SLMAP: variants seen among roughly 807,000 people sequenced by gnomAD.
SLMAP encodes sarcolemma associated protein, also known as sarcolemmal membrane-associated protein.
Under a neutral mutation model 128.8 loss-of-function variants are expected in SLMAP, and 44 were observed. The observed-to-expected ratio is 0.34, with a 90% CI of 0.27 to 0.44. The LOEUF is 0.44. Ranked by LOEUF, SLMAP falls within the 20% of genes least tolerant of loss-of-function variation. The pLI is 1.00. For missense variants in SLMAP, 787 were observed against 985.3 expected (o/e 0.80, Z 2.69); for synonymous variants, 327 against 348.8 (o/e 0.94, Z 0.70).
chr3:57,766,100 G>A (rs1472592303), intron 2 of SLMAP, among the ~76,000 whole-genome samples: 7 of 145,934 alleles, frequency 4.8e-5, no homozygotes, highest in African/African-American at 1.8e-4. Context: ...CCGGGTTCAC[G>A]CCATTCTCCT....
chr3:57,907,885 T>C lies in SLMAP; in HGVS notation c.1503T>C (p.Asp501=). Residue 501 remains aspartate (D), a splice_region_variant and synonymous_variant, in exon 18 of 25, where the codon GAT becomes GAC. Coordinates refer to ENST00000671191, the MANE Select transcript of SLMAP (RefSeq NM_001377540.1). ...EPLAKVSLLK[D]DLQGAQSEIE... ...TTAAAATAAACATGTTTTTGTCAGA[T>C]GACTTGCAGGGTGCACAGTCAGAAA... 1 of 1,612,868 alleles carries C rather than the reference T, an allele frequency of 6.2e-7. No individual in the cohort carries two copies. Among genetic ancestry groups the C allele is most frequent in the Non-Finnish European group, 8.5e-7 (1 of 1,179,488 alleles).
Position 57,815,023 on chromosome 3 carries a change from A to G in SLMAP, c.199-16360A>G, listed in dbSNP as rs563345758. Reference sequence around the variant, plus strand: ...AAAATTTGGGATTCCCTAATCCAGCAGTCTCCAACCTTTTTGGCACCGAGG... The same window carrying G: ...AAAATTTGGGATTCCCTAATCCAGCGGTCTCCAACCTTTTTGGCACCGAGG... On this transcript the variant is annotated intron_variant, in intron 2 of 24. Transcript: ENST00000671191. 3.3e-5 allele frequency among the ~76,000 whole-genome samples: 5 copies of G among 152,250 alleles called. No individual in the cohort carries two copies. The South Asian group carries it at 1.0e-3, about 32-fold the overall frequency.
intron 22 of SLMAP, among the ~76,000 whole-genome samples, chr3:57,921,726 A>T (rs527871503): frequency 2.2e-4 from 33 of 152,092 alleles, no homozygotes; most frequent in Non-Finnish European, 4.1e-4. Context: ...GTTTTTTGAG[A>T]TGGAGTTTTG....
intron 15 of SLMAP, chr3:57,896,276 C>T: frequency 1.6e-6 from 2 of 1,218,284 alleles, no homozygotes; most frequent in Non-Finnish European, 1.0e-6. Flanking sequence ...GAACAAAAGC[C>T]CCAGCCCTCA....
chr3:57,904,766 G>A lies in SLMAP; in HGVS notation c.1502-3118G>A, dbSNP rs531065379. Reference sequence around the variant, plus strand: ...TTTTAGTTGTTGTAAACTGGGGTGTGGGCCAGGGTGGAGGAGGGGTACTGA... The same window carrying A: ...TTTTAGTTGTTGTAAACTGGGGTGTAGGCCAGGGTGGAGGAGGGGTACTGA... On this transcript the variant is annotated intron_variant, in intron 17 of 24. Transcript: ENST00000671191. 1.1e-4 allele frequency among the ~76,000 whole-genome samples: 17 copies of A among 152,238 alleles called. No individual in the cohort carries two copies. The East Asian group carries it at 3.1e-3, about 28-fold the overall frequency.
At chr3:57,823,843 A>C (rs1347012710) in intron 2 of SLMAP, among the ~76,000 whole-genome samples, 1 of 152,196 alleles carries the variant, frequency 6.6e-6, no homozygotes, top group African/African-American at 2.4e-5. Context: ...GCAACAGTGT[A>C]AAAGTGTTCC....
At chr3:57,785,175 A>C (rs2083829959) in intron 2 of SLMAP, among the ~76,000 whole-genome samples, 1 of 152,198 alleles carries the variant, frequency 6.6e-6, no homozygotes, top group African/African-American at 2.4e-5. Context: ...TTTGAGGTAC[A>C]TTTCTTAATC....
intron 2 of SLMAP, among the ~76,000 whole-genome samples, chr3:57,761,735 A>C (rs1308863169): frequency 6.6e-6 from 1 of 151,906 alleles, no homozygotes; most frequent in Admixed American, 6.6e-5. Flanking sequence ...TGCATTGTCC[A>C]TTATGGGAGG....
intron 2 of SLMAP, among the ~76,000 whole-genome samples, chr3:57,792,690 T>C (rs1319379369): frequency 1.3e-5 from 2 of 152,172 alleles, no homozygotes; most frequent in Non-Finnish European, 2.9e-5. Context: ...TATGGACTTA[T>C]TTATATTTTT....
intron 4 of SLMAP, among the ~76,000 whole-genome samples, chr3:57,846,567 T>TC (rs1486786796): frequency 1.3e-5 from 2 of 150,952 alleles, no homozygotes; most frequent in Non-Finnish European, 3.0e-5. Flanking sequence ...TTTTTTTTTT[T>TC]TTTTTTTGAG....
At chr3:57,834,172 A>G (rs1353047104) in intron 3 of SLMAP, among the ~76,000 whole-genome samples, 1 of 152,220 alleles carries the variant, frequency 6.6e-6, no homozygotes, top group East Asian at 1.9e-4. Context: ...AAGAAAGACA[A>G]TTAAGAAATC....
chr3:57,759,231 C>T (rs917967919), intron 2 of SLMAP, among the ~76,000 whole-genome samples: 2 of 151,806 alleles, frequency 1.3e-5, no homozygotes, highest in African/African-American at 2.4e-5. Context: ...TCGCTCCTCG[C>T]AAGCTGAAGT....
rs375027184 is a variant in SLMAP, at chr3:57,815,525, A to G, written c.199-15858A>G. ...TTTATAATAAATATGGTTATTTATG[A>G]TAACCATTTATTATAACCGTATCAT... On this transcript the variant is annotated intron_variant, in intron 2 of 24. Transcript: ENST00000671191. 1.7e-4 allele frequency among the ~76,000 whole-genome samples: 26 copies of G among 152,298 alleles called. No individual in the cohort carries two copies. In the South Asian group the frequency reaches 5.4e-3, roughly 32 times the overall value.
chr3:57,830,781 A>G (rs2093287850), intron 2 of SLMAP, among the ~76,000 whole-genome samples: 1 of 152,234 alleles, frequency 6.6e-6, no homozygotes, highest in Non-Finnish European at 1.5e-5. Context: ...TTGTCTGTAT[A>G]GCTTTGCCTA....
At chr3:57,858,896 C>G (rs184841334) in intron 8 of SLMAP, among the ~76,000 whole-genome samples, 1 of 152,072 alleles carries the variant, frequency 6.6e-6, no homozygotes. Context: ...GAGCCAAGAT[C>G]GTGCCATTGC....
chr3:57,816,443 C>T (rs1362126683), intron 2 of SLMAP, among the ~76,000 whole-genome samples: 3 of 152,116 alleles, frequency 2.0e-5, no homozygotes, highest in Admixed American at 6.6e-5. Context: ...AGCACCCAGC[C>T]GAATTTAAAC....
intron 3 of SLMAP, among the ~76,000 whole-genome samples, chr3:57,838,504 GT>G (rs1359894978): frequency 6.6e-6 from 1 of 152,184 alleles, no homozygotes; most frequent in Non-Finnish European, 1.5e-5. Flanking sequence ...AAGTACACAG[GT>G]TTTTAAACTG....
chr3:57,871,781 A>C, intron 14 of SLMAP, 83 bp downstream of exon 14: 1 of 1,037,796 alleles, frequency 9.6e-7, no homozygotes, highest in Non-Finnish European at 1.5e-6. Flanking sequence ...GAGGATCTCA[A>C]TGTGTTTGTT....
Position 57,757,636 on chromosome 3 carries a change from C to G in SLMAP, c.-16C>G. 1 of 1,612,588 alleles carries G rather than the reference C, an allele frequency of 6.2e-7. No homozygotes were observed. The highest frequency in any genetic ancestry group is 8.5e-7 in the Non-Finnish European group (1 of 1,179,092). On this transcript the variant is annotated 5_prime_UTR_variant, in exon 2 of 25. Transcript: ENST00000671191. ...TCTTTGTCCCTGGTAGGAGAGACAC[C>G]CCCAGTCTATCCTCGATGCCGTCAG...
Sources: allele counts gnomAD v4.1 joint callset (sites outside exome capture counted in the v4.1 genomes callset), GRCh38; gene constraint gnomAD v4.1.1; transcripts MANE v1.5; gene names NCBI Gene and HGNC (gene_info 2026-07-23, HGNC 2026-07-21).